The following RPS6KL1 variants were observed in gnomAD, a reference collection of about 807,000 sequenced individuals.
The protein encoded by RPS6KL1 is ribosomal protein S6 kinase like 1, also known as ribosomal protein S6 kinase-like 1.
In RPS6KL1, 41 loss-of-function variants were observed where a neutral mutation model predicts 57.0. That is an observed-to-expected ratio of 0.72 (90% CI 0.56 to 0.93). RPS6KL1 has a LOEUF of 0.93. RPS6KL1 is among the 40% of genes least tolerant of loss of function. RPS6KL1 has a pLI of 0.00. For synonymous variants in RPS6KL1, 287 were observed against 309.7 expected, an observed-to-expected ratio of 0.93 and a Z score of 0.77; for missense variants, 697 against 727.7, an observed-to-expected ratio of 0.96 and a Z score of 0.49.
At position 74,906,773 on chromosome 14, in the gene RPS6KL1, G is replaced by A. The variant is rs750369585; in HGVS notation, c.*241C>T. 23 of 672,332 alleles carry A rather than the reference G, an allele frequency of 3.4e-5. No homozygotes were observed. The highest frequency in any genetic ancestry group is 2.7e-4 in the South Asian group (18 of 67,478). The allele number at this position is 672,332 out of a possible 1,614,324, so 41.6% of individuals were successfully genotyped here. A position where few individuals can be genotyped will look rare whatever the true frequency, so the allele number is the denominator to read the frequency against. On this transcript the variant is annotated 3_prime_UTR_variant, in exon 12 of 12. Coordinates refer to ENST00000557413, the MANE Select transcript of RPS6KL1 (RefSeq NM_031464.5). ...CGGGTCTGTTGACTGATGGGTAGATGGTTCAAGCTGCTTAGCAGGGCAAGC... is the reference window on the plus strand; with the variant it reads ...CGGGTCTGTTGACTGATGGGTAGATAGTTCAAGCTGCTTAGCAGGGCAAGC...
intron 5 of RPS6KL1, among the ~76,000 whole-genome samples, chr14:74,912,100 C>A (rs1275637863): frequency 1.3e-5 from 2 of 152,182 alleles, no homozygotes; most frequent in Non-Finnish European, 2.9e-5. Flanking sequence ...CCCTAATCTG[C>A]CTCCAATGCT....
Position 74,906,942 on chromosome 14 carries a change from G to T in RPS6KL1, c.*72C>A. On this transcript the variant is annotated 3_prime_UTR_variant, in exon 12 of 12. Transcript: ENST00000557413. Reference sequence around the variant, plus strand: ...AGCCCGCTGATAGAGGGCCAGCCCTGGGTTGGGTGTCAGGCAAGGAGGAGA... The same window carrying T: ...AGCCCGCTGATAGAGGGCCAGCCCTTGGTTGGGTGTCAGGCAAGGAGGAGA... 2 of 1,173,686 alleles carry T rather than the reference G, an allele frequency of 1.7e-6. No individual in the cohort carries two copies. The highest frequency in any genetic ancestry group is 2.5e-6 in the Non-Finnish European group (2 of 786,162). 72.7% of individuals were successfully genotyped at this position (1,173,686 alleles called of 1,614,324 possible). A position where few individuals can be genotyped will look rare whatever the true frequency, so the allele number is the denominator to read the frequency against.
At chr14:74,908,750 G>A in intron 10 of RPS6KL1, 100 bp downstream of exon 10, 2 of 1,047,922 alleles carry the variant, frequency 1.9e-6, no homozygotes, top group Non-Finnish European at 3.0e-6. Context: ...TGGTAGGACA[G>A]CCAGGCAGTC....
At chr14:74,912,770 G>A (rs1328597386) in intron 5 of RPS6KL1, among the ~76,000 whole-genome samples, 1 of 152,142 alleles carries the variant, frequency 6.6e-6, no homozygotes, top group East Asian at 1.9e-4. Flanking sequence ...AATAAGTAAA[G>A]TCCGCTTGAG....
chr14:74,914,670 G>C (rs1014913432), intron 5 of RPS6KL1, among the ~76,000 whole-genome samples: 3 of 152,148 alleles, frequency 2.0e-5, no homozygotes, highest in Admixed American at 1.3e-4. Context: ...TTTACTCAGT[G>C]GTTTGGAGGA....
intron 3 of RPS6KL1, 56 bp downstream of exon 3, chr14:74,921,220 GA>G (rs1887773323): frequency 6.9e-7 from 1 of 1,448,108 alleles, no homozygotes. Context: ...GTGACAGGAA[GA>G]GCCCTGCACT....
In RPS6KL1 at chr14:74,906,409, T is replaced by TGG. The variant is rs537079155; in HGVS notation, c.*603_*604dup. Reference sequence around the variant, plus strand: ...AGGGGGCATGGTCAGGAATCGGGGGTGGGGGGGTGGGGGTGGGGGTCATCC... The same window carrying TGG: ...AGGGGGCATGGTCAGGAATCGGGGGTGGGGGGGGGTGGGGGTGGGGGTCATCC... On this transcript the variant is annotated 3_prime_UTR_variant, in exon 12 of 12. Coordinates refer to ENST00000557413, the MANE Select transcript of RPS6KL1 (RefSeq NM_031464.5). 9.3e-3 allele frequency: 1,502 copies of TGG among 160,782 alleles called. 32 individuals are homozygous for TGG. Among genetic ancestry groups the TGG allele is most frequent in the South Asian group, 0.025 (769 of 31,328 alleles). 10.0% of individuals were successfully genotyped at this position (160,782 alleles called of 1,614,324 possible).
At chr14:74,907,850 T>C (rs759268471) in intron 10 of RPS6KL1, among the ~76,000 whole-genome samples, 4 of 152,236 alleles carry the variant, frequency 2.6e-5, no homozygotes, top group Non-Finnish European at 5.9e-5. Flanking sequence ...GTGATGGAAC[T>C]TGTCTCCTTA....
chr14:74,905,450 C>A lies in RPS6KL1; in HGVS notation c.*1564G>T, dbSNP rs933336006. The A allele has an allele frequency of 3.3e-5, 5 of 152,226 alleles. No homozygotes were observed. Among genetic ancestry groups the A allele is most frequent in the African/African-American group, 1.2e-4 (5 of 41,412 alleles). 9.4% of individuals were successfully genotyped at this position (152,226 alleles called of 1,614,324 possible). A position where few individuals can be genotyped will look rare whatever the true frequency, so the allele number is the denominator to read the frequency against. On this transcript the variant is annotated 3_prime_UTR_variant, in exon 12 of 12. Transcript: ENST00000557413. Reference sequence around the variant, plus strand: ...TCCAAGGCTTCTTCATCCTCTTCCCCACAGAACCTGGTCCTCCCCGACCCC... The same window carrying A: ...TCCAAGGCTTCTTCATCCTCTTCCCAACAGAACCTGGTCCTCCCCGACCCC...
At chr14:74,920,065 A>C (rs2140351146) in intron 3 of RPS6KL1, 96 bp from the exon 4 acceptor site, 1 of 1,493,972 alleles carries the variant, frequency 6.7e-7, no homozygotes, top group East Asian at 2.3e-5. Context: ...CCAAGGAGTG[A>C]GCTCCTGTTT....
At chr14:74,912,653 T>C (rs1210024343) in intron 5 of RPS6KL1, among the ~76,000 whole-genome samples, 1 of 152,050 alleles carries the variant, frequency 6.6e-6, no homozygotes, top group Non-Finnish European at 1.5e-5. Context: ...CAGGCCTTTT[T>C]CCCACTCCAC....
chr14:74,913,883 G>T (rs1256876140), intron 5 of RPS6KL1, among the ~76,000 whole-genome samples: 1 of 152,226 alleles, frequency 6.6e-6, no homozygotes, highest in Non-Finnish European at 1.5e-5. Context: ...CTTTACATAG[G>T]TTGTTTAATT....
chr14:74,907,082 C>G lies in RPS6KL1; in HGVS notation c.1582G>C (p.Gly528Arg), dbSNP rs772359452. ...TGGGACTTGAGTTTGCTGACACCAC[C>G]TTCTCCCATGCCCAGGCGCCGGGTA... ...EPTRRLGMGE[G>R]GVSKLKSHPF... is the part of the protein sequence containing the mutation. Residue 528 changes from glycine (G) to arginine (R), a missense_variant, in exon 12 of 12, where the codon GGT becomes CGT. Physicochemically the swap from Gly to Arg is moderately radical, Grantham distance 125. Coordinates refer to ENST00000557413, the MANE Select transcript of RPS6KL1 (RefSeq NM_031464.5). 6 of 1,613,718 alleles carry G rather than the reference C, an allele frequency of 3.7e-6. No individual in the cohort carries two copies. The highest frequency in any genetic ancestry group is 4.2e-6 in the Non-Finnish European group (5 of 1,179,914).
intron 5 of RPS6KL1, among the ~76,000 whole-genome samples, chr14:74,916,828 CT>C (rs1313227018): frequency 6.6e-6 from 1 of 152,226 alleles, no homozygotes; most frequent in African/African-American, 2.4e-5. Context: ...CCTAAACACT[CT>C]AAGAACTCCG....
intron 9 of RPS6KL1, 70 bp from the exon 10 acceptor site, chr14:74,909,002 CA>C: frequency 6.4e-7 from 1 of 1,570,548 alleles, no homozygotes; most frequent in Admixed American, 1.7e-5. Context: ...TCAGCCTACC[CA>C]GACACCACCC....
rs1594909413 is a variant in RPS6KL1 at position 74,909,485 on chromosome 14, C to T, written c.1270+58G>A. ...GGTCCCCTCGACTTTGGGGATCTCT[C>T]GTCCTCTGCCTGGACGCTTTGGGGG... On this transcript the variant is annotated intron_variant, in intron 8 of 11. Transcript: ENST00000557413. 1.6e-5 allele frequency: 24 copies of T among 1,527,416 alleles called. No individual in the cohort carries two copies. The South Asian group carries it at 2.5e-4, about 16-fold the overall frequency. 94.6% of individuals were successfully genotyped at this position (1,527,416 alleles called of 1,614,324 possible).
chr14:74,913,242 ATTG>A (rs1422084794), intron 5 of RPS6KL1, among the ~76,000 whole-genome samples: 1 of 152,146 alleles, frequency 6.6e-6, no homozygotes, highest in East Asian at 1.9e-4. Flanking sequence ...ACATCTCTGG[ATTG>A]TTGAAGCCAT....
chr14:74,907,497 C>T lies in RPS6KL1; in HGVS notation c.1477G>A (p.Ala493Thr). ...TCGGGCAGCTGGAGCTGGGTGTGGG[C>T]CTGGATTCCTGAAGGGTGGCTCTGG... ...LSQSHPSGIQ[A>T]HTQLQLPEWL... Residue 493 changes from alanine (A) to threonine (T), a missense_variant, in exon 11 of 12, where the codon GCC (alanine) becomes ACC (threonine). Physicochemically the swap from Ala to Thr is moderately conservative, Grantham distance 58. Transcript: ENST00000557413. 1 of 1,584,312 alleles carries T rather than the reference C, an allele frequency of 6.3e-7. No individual in the cohort carries two copies. Among genetic ancestry groups the T allele is most frequent in the South Asian group, 1.2e-5 (1 of 86,438 alleles).
At chr14:74,916,811 A>C (rs546006210) in intron 5 of RPS6KL1, among the ~76,000 whole-genome samples, 1 of 152,348 alleles carries the variant, frequency 6.6e-6, no homozygotes, top group African/African-American at 2.4e-5. Flanking sequence ...CACAGTGTAC[A>C]TCTGCACCTA....
Sources: allele counts gnomAD v4.1 joint callset (sites outside exome capture counted in the v4.1 genomes callset), GRCh38; gene constraint gnomAD v4.1.1; transcripts MANE v1.5; gene names NCBI Gene and HGNC (gene_info 2026-07-23, HGNC 2026-07-21).